SQSTM1: variants seen among roughly 807,000 people sequenced by gnomAD.
SQSTM1 encodes sequestosome-1.
In SQSTM1, 36 loss-of-function variants were observed where a neutral mutation model predicts 45.1. The ratio of observed to expected loss-of-function variants is 0.80; its 90% CI spans 0.61 to 1.05. The LOEUF is 1.05. Among genes scored for constraint, SQSTM1 ranks in the 50% least tolerant of loss-of-function variants. The pLI, the probability that SQSTM1 is intolerant of heterozygous loss-of-function variation, is 0.00. For missense variants in SQSTM1, 617 were observed against 607.1 expected (o/e 1.02, Z -0.17); for synonymous variants, 290 against 244.3 (o/e 1.19, Z -1.74).
At chr5:179,815,934 G>A (rs888284344), upstream of SQSTM1, among the ~76,000 whole-genome samples, 2 of 152,136 alleles carry the variant, frequency 1.3e-5, no homozygotes, top group African/African-American at 2.4e-5. Flanking sequence ...AGTCAGGGCA[G>A]GGACAGGCAC....
chr5:179,837,108 G>T lies in SQSTM1; in HGVS notation c.*515G>T. The T allele has an allele frequency of 9.6e-7, 1 of 1,038,228 alleles. No individual in the cohort carries two copies. The highest frequency in any genetic ancestry group is 1.4e-6 in the Non-Finnish European group (1 of 694,014). 64.3% of individuals were successfully genotyped at this position (1,038,228 alleles called of 1,614,324 possible). A position where few individuals can be genotyped will look rare whatever the true frequency, so the allele number is the denominator to read the frequency against. ...CTCACGAAGGGCATCCGCAATGTTG[G>T]TTTCACTGAGAGCTGCCTCCTGGTC... On this transcript the variant is annotated 3_prime_UTR_variant, in exon 8 of 8. Coordinates refer to ENST00000389805, the MANE Select transcript of SQSTM1 (RefSeq NM_003900.5).
At chr5:179,834,670 C>T (rs929123245) in intron 7 of SQSTM1, among the ~76,000 whole-genome samples, 183 of 152,194 alleles carry the variant, frequency 1.2e-3, no homozygotes, top group African/African-American at 4.2e-3. Context: ...CTTGCACCGC[C>T]CTTAATCCAT....
chr5:179,816,263 C>T (rs1757573774), upstream of SQSTM1, among the ~76,000 whole-genome samples: 1 of 152,196 alleles, frequency 6.6e-6, no homozygotes, highest in African/African-American at 2.4e-5. Context: ...ATTCTCTTGC[C>T]TCAGCCTCCC....
chr5:179,817,996 CAGAG>C (rs1343103426), upstream of SQSTM1, among the ~76,000 whole-genome samples: 22 of 109,032 alleles, frequency 2.0e-4, no homozygotes, highest in Admixed American at 4.4e-4. Flanking sequence ...GCCTGGGTGA[CAGAG>C]AGAGACTGTC....
intron 1 of SQSTM1, among the ~76,000 whole-genome samples, chr5:179,809,643 T>TTC (rs1757334241): frequency 7.6e-6 from 1 of 131,308 alleles, no homozygotes; most frequent in Non-Finnish European, 1.6e-5. Context: ...GGCCCTTTTT[T>TTC]TTTTTTTTTT....
At position 179,821,075 on chromosome 5, in the gene SQSTM1, C is replaced by G. The variant is rs779786150; in HGVS notation, c.139C>G (p.Leu47Val). The G allele has an allele frequency of 6.1e-6, 9 of 1,478,454 alleles. No homozygotes were observed. Among genetic ancestry groups the G allele is most frequent in the Non-Finnish European group, 7.2e-6 (8 of 1,117,846 alleles). The allele number at this position is 1,478,454 out of a possible 1,614,324, so 91.6% of individuals were successfully genotyped here. ...GGCGGGTCCGGGACCCTGCGAGCGGCTGCTGAGCCGGGTGGCCGCCCTGTT... is the reference window on the plus strand; with the variant it reads ...GGCGGGTCCGGGACCCTGCGAGCGGGTGCTGAGCCGGGTGGCCGCCCTGTT... Reference protein sequence around the residue: ...AAAGPGPCERLLSRVAALFPA... With the variant: ...AAAGPGPCERVLSRVAALFPA... The change falls in exon 1 of 8, where the codon CTG becomes GTG. Residue 47 changes from leucine to valine, a missense_variant. Coordinates refer to ENST00000389805, the MANE Select transcript of SQSTM1 (RefSeq NM_003900.5).
chr5:179,834,349 C>A (rs1213040175), intron 7 of SQSTM1, among the ~76,000 whole-genome samples: 1 of 152,044 alleles, frequency 6.6e-6, no homozygotes, highest in Non-Finnish European at 1.5e-5. Context: ...TGTGTGTCTT[C>A]TCTGCCTTAG....
chr5:179,827,231 G>C (rs896122839), intron 5 of SQSTM1, among the ~76,000 whole-genome samples: 7 of 152,158 alleles, frequency 4.6e-5, no homozygotes, highest in Non-Finnish European at 2.9e-5. Flanking sequence ...ACCCACCTGT[G>C]CTGGTGCAGC....
chr5:179,832,629 A>C (rs1297638506), intron 5 of SQSTM1, among the ~76,000 whole-genome samples: 3 of 152,170 alleles, frequency 2.0e-5, no homozygotes, highest in African/African-American at 7.2e-5. Flanking sequence ...CTGCATGGTT[A>C]GGAAAAAGGT....
At chr5:179,832,876 T>G (rs1014948706) in intron 5 of SQSTM1, among the ~76,000 whole-genome samples, 156 bp from the exon 6 acceptor site, 2 of 152,132 alleles carry the variant, frequency 1.3e-5, no homozygotes, top group Admixed American at 1.3e-4. Flanking sequence ...AGCACCTGCA[T>G]CCACACGCTG....
Position 179,837,294 on chromosome 5 carries a change from T to C in SQSTM1, c.*701T>C, listed in dbSNP as rs1758621237. 6 of 1,606,540 alleles carry C rather than the reference T, an allele frequency of 3.7e-6. No homozygotes were observed. In the East Asian group the frequency reaches 8.9e-5, roughly 24 times the overall value. On this transcript the variant is annotated 3_prime_UTR_variant, in exon 8 of 8. Transcript: ENST00000389805. The stretch of plus-strand genomic sequence containing the variant: ...AGAGAAATGATTGACAGTAAGTTTA[T>C]TGTTAATGGTTCTTACAGAGTATCT...
chr5:179,835,834 G>GTAT (rs899684338), intron 7 of SQSTM1: 4 of 168,128 alleles, frequency 2.4e-5, no homozygotes, highest in African/African-American at 9.6e-5. Context: ...GCTGCAAAAG[G>GTAT]TATTATTTCG....
chr5:179,828,593 C>T (rs988584235), intron 5 of SQSTM1, among the ~76,000 whole-genome samples: 4 of 152,062 alleles, frequency 2.6e-5, no homozygotes, highest in South Asian at 2.1e-4. Flanking sequence ...AGGCTGGTCT[C>T]GAACTCCCGA....
At chr5:179,820,590 G>A (rs1016379175), upstream of SQSTM1, 2 of 239,898 alleles carry the variant, frequency 8.3e-6, no homozygotes, top group Non-Finnish European at 1.6e-5. Flanking sequence ...GGAGGGGCGA[G>A]GGGCTGGACC....
chr5:179,832,475 G>A (rs544405138), intron 5 of SQSTM1, among the ~76,000 whole-genome samples: 69 of 152,336 alleles, frequency 4.5e-4, no homozygotes, highest in Non-Finnish European at 7.5e-4. Flanking sequence ...TGAGGTGTGC[G>A]TGTGTGTCGT....
chr5:179,815,649 G>A (rs926378249), upstream of SQSTM1, among the ~76,000 whole-genome samples: 2 of 152,102 alleles, frequency 1.3e-5, no homozygotes, highest in South Asian at 2.1e-4. Flanking sequence ...CATTTCGTCC[G>A]CCAGCGTGGG....
At position 179,829,887 on chromosome 5, in the gene SQSTM1, C is replaced by T. The variant is rs142483892; in HGVS notation, c.755-3145C>T. Among the ~76,000 whole-genome samples, 5 of 152,260 alleles carry T rather than the reference C, an allele frequency of 3.3e-5. No homozygotes were observed. In the East Asian group the frequency reaches 5.8e-4, roughly 18 times the overall value. On this transcript the variant is annotated intron_variant, in intron 5 of 7. Coordinates refer to ENST00000389805, the MANE Select transcript of SQSTM1 (RefSeq NM_003900.5). ...AAGGCAGGCAGATGACTTGAGCTCA[C>T]GAGTTTGAGACCAGCCTTGGCAACA...
intron 7 of SQSTM1, among the ~76,000 whole-genome samples, chr5:179,834,613 C>CCACTCCCTAA (rs1561607284): frequency 2.0e-5 from 3 of 151,846 alleles, no homozygotes; most frequent in Non-Finnish European, 4.4e-5. Context: ...GTGGTGATGA[C>CCACTCCCTAA]TCTTAAGGAG....
chr5:179,834,658 A>G (rs1429026957), intron 7 of SQSTM1, among the ~76,000 whole-genome samples: 8 of 152,172 alleles, frequency 5.3e-5, no homozygotes, highest in Non-Finnish European at 7.4e-5. Context: ...AACAAAGCAC[A>G]TCTTGCACCG....
Sources: allele counts gnomAD v4.1 joint callset (sites outside exome capture counted in the v4.1 genomes callset), GRCh38; gene constraint gnomAD v4.1.1; transcripts MANE v1.5; gene names NCBI Gene and HGNC (gene_info 2026-07-23, HGNC 2026-07-21).